The following FARP1 variants were observed in gnomAD, a reference collection of about 807,000 sequenced individuals.
FARP1 encodes FERM, ARHGEF and pleckstrin domain-containing protein 1.
A neutral mutation model predicts 128.8 loss-of-function variants in FARP1; 52 were observed. The observed-to-expected ratio is 0.40, with a 90% confidence interval of 0.32 to 0.51. The LOEUF is 0.51. Among genes scored for constraint, FARP1 ranks in the 20% least tolerant of loss-of-function variants. The probability of loss-of-function intolerance (pLI) is 0.45; values close to 1 mark genes in which losing one functional copy is unlikely to be tolerated. For synonymous variants in FARP1, 580 were observed against 551.8 expected, an observed-to-expected ratio of 1.05 and a Z score of -0.72; for missense variants, 1,333 against 1,367.9, an observed-to-expected ratio of 0.97 and a Z score of 0.40.
chr13:98,277,617 G>A (rs924941720), intron 2 of FARP1, among the ~76,000 whole-genome samples: 4 of 152,264 alleles, frequency 2.6e-5, no homozygotes, highest in Non-Finnish European at 5.9e-5. Flanking sequence ...GGAGACCTTC[G>A]GGGACGCCAC....
chr13:98,336,773 C>T (rs1887762585), intron 2 of FARP1, among the ~76,000 whole-genome samples: 3 of 152,194 alleles, frequency 2.0e-5, no homozygotes. Context: ...GCAACAGGGA[C>T]ACAGAGCATG....
intron 1 of FARP1, among the ~76,000 whole-genome samples, chr13:98,151,185 T>C (rs987752824): frequency 2.0e-5 from 3 of 152,144 alleles, no homozygotes; most frequent in African/African-American, 7.2e-5. Context: ...ACATAACTTT[T>C]ATTACAGTGT....
chr13:98,198,927 C>A (rs1418638731), intron 1 of FARP1, among the ~76,000 whole-genome samples: 1 of 98,442 alleles, frequency 1.0e-5, no homozygotes, highest in Admixed American at 1.1e-4. Flanking sequence ...CCCCTCCCCC[C>A]ACAAACTTAG....
At chr13:98,214,816 G>C (rs573735629) in intron 2 of FARP1, among the ~76,000 whole-genome samples, 2 of 152,304 alleles carry the variant, frequency 1.3e-5, no homozygotes, top group South Asian at 4.1e-4. Flanking sequence ...ATCATAGACT[G>C]TTGAGGAGAG....
At chr13:98,189,856 G>A (rs1282921027) in intron 1 of FARP1, among the ~76,000 whole-genome samples, 1 of 152,156 alleles carries the variant, frequency 6.6e-6, no homozygotes, top group Non-Finnish European at 1.5e-5. Flanking sequence ...ATTAACCAAA[G>A]CCTTTTGGGT....
chr13:98,414,013 T>C (rs775035479), intron 16 of FARP1, among the ~76,000 whole-genome samples: 9 of 152,192 alleles, frequency 5.9e-5, no homozygotes, highest in Non-Finnish European at 1.3e-4. Flanking sequence ...TCATGGTGGC[T>C]TTGGCTGGCT....
At chr13:98,284,233 T>C (rs1206975730) in intron 2 of FARP1, among the ~76,000 whole-genome samples, 3 of 152,198 alleles carry the variant, frequency 2.0e-5, no homozygotes, top group Non-Finnish European at 2.9e-5. Flanking sequence ...ATATTATGTG[T>C]GGCCCAAGGC....
At chr13:98,337,319 C>A (rs1398542534) in intron 2 of FARP1, among the ~76,000 whole-genome samples, 1 of 152,158 alleles carries the variant, frequency 6.6e-6, no homozygotes, top group African/African-American at 2.4e-5. Context: ...TTGCAGTGAG[C>A]TACAGTGGTG....
intron 24 of FARP1, among the ~76,000 whole-genome samples, chr13:98,444,739 T>A (rs1892712726): frequency 6.6e-6 from 1 of 152,162 alleles, no homozygotes; most frequent in African/African-American, 2.4e-5. Flanking sequence ...GCCCAGACTG[T>A]GATGGGTGAC....
intron 1 of FARP1, among the ~76,000 whole-genome samples, chr13:98,181,053 C>CTT (rs113512344): frequency 1.2e-4 from 17 of 145,882 alleles, no homozygotes; most frequent in East Asian, 5.9e-4. Context: ...ATTTTTAAGT[C>CTT]TTTTTTTTTT....
At position 98,287,208 on chromosome 13, in the gene FARP1, C is replaced by CTTTTTTTTTTTTTTTTTTTTTT. The variant is rs71111939; in HGVS notation, c.172-56535_172-56514dup. Among the ~76,000 whole-genome samples, 7 of 75,846 alleles carry CTTTTTTTTTTTTTTTTTTTTTT rather than the reference C, an allele frequency of 9.2e-5. 2 individuals carry two copies. Among genetic ancestry groups the CTTTTTTTTTTTTTTTTTTTTTT allele is most frequent in the African/African-American group, 1.3e-4 (2 of 15,240 alleles). The allele number at this position is 75,846 out of a possible 152,430, so 49.8% of individuals were successfully genotyped here. A position where few individuals can be genotyped will look rare whatever the true frequency, so the allele number is the denominator to read the frequency against. Reference sequence around the variant, plus strand: ...TTTCCAAATTAACCATCAGACATGTCTTTTTTTTTTTTTTTTTTTTTTTTT... The same window carrying CTTTTTTTTTTTTTTTTTTTTTT: ...TTTCCAAATTAACCATCAGACATGTCTTTTTTTTTTTTTTTTTTTTTTTTTTTTTTTTTTTTTTTTTTTTTTT... On this transcript the variant is annotated intron_variant, in intron 2 of 26. Transcript: ENST00000319562.
chr13:98,371,379 A>G (rs1051253089), intron 5 of FARP1, among the ~76,000 whole-genome samples: 1 of 152,086 alleles, frequency 6.6e-6, no homozygotes, highest in Non-Finnish European at 1.5e-5. Context: ...TGCCTGGTAC[A>G]TTGCCAGCTC....
rs115032993 is a variant in FARP1, at chr13:98,176,436, G to A, written c.-24+32944G>A. On this transcript the variant is annotated intron_variant, in intron 1 of 26. Coordinates refer to ENST00000319562, the MANE Select transcript of FARP1 (RefSeq NM_005766.4). This position sits in a 1 kb window ranked among gnomAD's most constrained non-coding sequence, Gnocchi z 6.2. ...AGAAATAATGCCTGCACTTGGTGACGACTGGGTTTTGGAAGGCCTGGCGAC... is the reference window on the plus strand; with the variant it reads ...AGAAATAATGCCTGCACTTGGTGACAACTGGGTTTTGGAAGGCCTGGCGAC... 6 of 1,614,214 alleles carry A rather than the reference G, an allele frequency of 3.7e-6. No homozygotes were observed. Among genetic ancestry groups the A allele is most frequent in the East Asian group, 2.2e-5 (1 of 44,874 alleles).
intron 5 of FARP1, among the ~76,000 whole-genome samples, chr13:98,372,899 C>G (rs1262060661): frequency 6.6e-6 from 1 of 152,194 alleles, no homozygotes; most frequent in African/African-American, 2.4e-5. Flanking sequence ...AAAACTTAGC[C>G]TCTAGCTCGC....
intron 5 of FARP1, 71 bp downstream of exon 5, chr13:98,368,266 T>C (rs963465668): frequency 6.0e-5 from 64 of 1,067,664 alleles, no homozygotes; most frequent in African/African-American, 1.6e-4. Context: ...ATGTTCTCAA[T>C]TGATGACACA....
chr13:98,272,803 G>A (rs188713956), intron 2 of FARP1, among the ~76,000 whole-genome samples: 160 of 152,272 alleles, frequency 1.1e-3, no homozygotes, highest in African/African-American at 3.6e-3. Context: ...ATAAGGATTG[G>A]GCTCAGAGTG....
chr13:98,437,850 T>C (rs775559328), intron 19 of FARP1: 6 of 1,596,072 alleles, frequency 3.8e-6, no homozygotes, highest in Admixed American at 1.7e-5. Context: ...GCCATTGTTA[T>C]TAGTAAAGGT....
chr13:98,364,611 G>C (rs1208258114), intron 3 of FARP1, among the ~76,000 whole-genome samples: 3 of 152,150 alleles, frequency 2.0e-5, no homozygotes, highest in Non-Finnish European at 4.4e-5. Flanking sequence ...ATGAGCTTCT[G>C]TGGAACCCTT....
intron 2 of FARP1, among the ~76,000 whole-genome samples, chr13:98,264,490 G>A (rs1257594984): frequency 2.0e-5 from 3 of 152,194 alleles, no homozygotes; most frequent in Non-Finnish European, 4.4e-5. Context: ...CAGACCGACT[G>A]TCGTGGCACC....
Sources: gnomAD v4.1 joint callset for allele counts (sites outside exome capture counted in the v4.1 genomes callset) on GRCh38, gnomAD v4.1.1 for gene constraint, Gnocchi (gnomAD v3.1) non-coding constraint, MANE v1.5 for transcripts, NCBI Gene and HGNC (gene_info 2026-07-23, HGNC 2026-07-21) for gene names.